EPHA3: variants seen among roughly 807,000 people sequenced by gnomAD.
The protein encoded by EPHA3 is EPH receptor A3, also known as ephrin type-A receptor 3.
Under a neutral mutation model 107.1 loss-of-function variants are expected in EPHA3, and 42 were observed. That is an observed-to-expected ratio of 0.39 (90% CI 0.31 to 0.51). EPHA3 has a LOEUF of 0.51. Among genes scored for constraint, EPHA3 ranks in the 20% least tolerant of loss-of-function variants. EPHA3 has a pLI of 0.78. For missense variants in EPHA3, 1,183 were observed against 1,211.2 expected (o/e 0.98, Z 0.35); for synonymous variants, 461 against 424.8 (o/e 1.09, Z -1.05).
chr3:89,394,153 G>A (rs1708802579), intron 5 of EPHA3, among the ~76,000 whole-genome samples: 1 of 152,194 alleles, frequency 6.6e-6, no homozygotes, highest in African/African-American at 2.4e-5. Flanking sequence ...GTTCATGCCT[G>A]TAATTCTAGC....
chr3:89,201,928 T>C (rs1705977530), intron 2 of EPHA3, among the ~76,000 whole-genome samples: 1 of 152,184 alleles, frequency 6.6e-6, no homozygotes, highest in Non-Finnish European at 1.5e-5. Flanking sequence ...TATATTCCAA[T>C]CGTACTGGAA....
At chr3:89,234,837 C>A (rs866402216) in intron 3 of EPHA3, among the ~76,000 whole-genome samples, 14 of 107,824 alleles carry the variant, frequency 1.3e-4, no homozygotes, top group African/African-American at 4.7e-4. Context: ...CCTTTCCTTT[C>A]TTTCCTTCCT....
chr3:89,288,820 C>A (rs1179024907), intron 3 of EPHA3, among the ~76,000 whole-genome samples: 2 of 152,056 alleles, frequency 1.3e-5, no homozygotes, highest in African/African-American at 4.8e-5. Context: ...AAAGTGTAAG[C>A]TTAAAAATAG....
chr3:89,441,270 T>G (rs1709778954), intron 13 of EPHA3, among the ~76,000 whole-genome samples: 1 of 152,210 alleles, frequency 6.6e-6, no homozygotes, highest in Non-Finnish European at 1.5e-5. Context: ...GCTGAAGGTT[T>G]GGCACTGGAG....
At position 89,431,269 on chromosome 3, in the gene EPHA3, C is replaced by T. The variant is rs1380535477; in HGVS notation, c.2256C>T (p.Ile752=). The part of the protein sequence containing the change: ...YVHRDLAARN[I]LINSNLVCKV... ...ACCGAGACCTCGCTGCTCGGAACATCTTGATCAACAGTAACTTGGTGTGTA... is the reference window on the plus strand; with the variant it reads ...ACCGAGACCTCGCTGCTCGGAACATTTTGATCAACAGTAACTTGGTGTGTA... Residue 752 remains isoleucine, a synonymous_variant, in exon 13 of 17, where the codon ATC becomes ATT. Transcript: ENST00000336596. The T allele has an allele frequency of 1.2e-6, 2 of 1,613,702 alleles. No homozygotes were observed. The highest frequency in any genetic ancestry group is 1.7e-5 in the Admixed American group (1 of 59,918).
At chr3:89,315,002 C>A (rs1269682206) in intron 3 of EPHA3, among the ~76,000 whole-genome samples, 1 of 151,714 alleles carries the variant, frequency 6.6e-6, no homozygotes, top group Admixed American at 6.6e-5. Context: ...CATGTTATGG[C>A]ACTGATTAGT....
chr3:89,130,863 C>T (rs921811654), intron 2 of EPHA3, among the ~76,000 whole-genome samples: 2 of 152,122 alleles, frequency 1.3e-5, no homozygotes, highest in Admixed American at 1.3e-4. Context: ...GACTCGATCT[C>T]CTGACCTCGT....
chr3:89,174,256 T>C (rs1480335700), intron 2 of EPHA3, among the ~76,000 whole-genome samples: 1 of 152,052 alleles, frequency 6.6e-6, no homozygotes, highest in African/African-American at 2.4e-5. Flanking sequence ...ACTTAGATAG[T>C]CTCATGTATT....
intron 2 of EPHA3, among the ~76,000 whole-genome samples, chr3:89,141,140 G>T (rs7631328): frequency 0.23 from 35,204 of 151,354 alleles, 4,231 homozygotes; most frequent in Middle Eastern, 0.33. Context: ...TACTACATAT[G>T]GTAAGAGAAG....
intron 2 of EPHA3, among the ~76,000 whole-genome samples, chr3:89,171,537 A>G (rs1705210026): frequency 6.6e-6 from 1 of 152,198 alleles, no homozygotes; most frequent in Non-Finnish European, 1.5e-5. Context: ...AACTCTTCTC[A>G]CATTTGTTTC....
At chr3:89,249,809 T>C (rs1705119229) in intron 3 of EPHA3, among the ~76,000 whole-genome samples, 1 of 152,196 alleles carries the variant, frequency 6.6e-6, no homozygotes, top group South Asian at 2.1e-4. Flanking sequence ...CTCAGGATAA[T>C]AACATCTGTT....
intron 5 of EPHA3, among the ~76,000 whole-genome samples, chr3:89,366,389 C>G (rs1708184737): frequency 6.6e-6 from 1 of 150,498 alleles, no homozygotes; most frequent in African/African-American, 2.4e-5. Flanking sequence ...TACCATTGAT[C>G]AAGATCAAAA....
At chr3:89,256,598 A>AATAG (rs1228868398) in intron 3 of EPHA3, among the ~76,000 whole-genome samples, 2 of 151,590 alleles carry the variant, frequency 1.3e-5, no homozygotes, top group Non-Finnish European at 2.9e-5. Flanking sequence ...TAAATAAATA[A>AATAG]ATAAATAAAT....
At chr3:89,178,588 A>G (rs1233753576) in intron 2 of EPHA3, among the ~76,000 whole-genome samples, 7 of 151,932 alleles carry the variant, frequency 4.6e-5, no homozygotes, top group Non-Finnish European at 8.8e-5. Context: ...AAGTTTGTGG[A>G]TTGGAGCAGA....
intron 2 of EPHA3, among the ~76,000 whole-genome samples, chr3:89,152,609 C>G (rs1356975004): frequency 6.6e-6 from 1 of 152,028 alleles, no homozygotes; most frequent in East Asian, 1.9e-4. Flanking sequence ...GTTTCAACCT[C>G]CAGAAACTTA....
intron 1 of EPHA3, among the ~76,000 whole-genome samples, chr3:89,124,831 TAA>T (rs1704058354): frequency 6.6e-6 from 1 of 151,974 alleles, no homozygotes; most frequent in Non-Finnish European, 1.5e-5. Context: ...TAGAGTGCAC[TAA>T]AAATTTAATT....
intron 3 of EPHA3, among the ~76,000 whole-genome samples, chr3:89,274,764 C>A (rs1430411957): frequency 2.0e-5 from 3 of 151,762 alleles, no homozygotes; most frequent in East Asian, 3.9e-4. Flanking sequence ...AGAATCGTAA[C>A]CAAGGAGGGA....
chr3:89,163,117 T>A (rs1472505630), intron 2 of EPHA3, among the ~76,000 whole-genome samples: 1 of 152,176 alleles, frequency 6.6e-6, no homozygotes, highest in Non-Finnish European at 1.5e-5. Flanking sequence ...TTTAGGATCA[T>A]TCACACCTAA....
intron 15 of EPHA3, among the ~76,000 whole-genome samples, chr3:89,453,321 A>G (rs1710031918): frequency 2.0e-5 from 3 of 152,202 alleles, no homozygotes; most frequent in Admixed American, 1.3e-4. Flanking sequence ...CACAGAGAAA[A>G]GTAGTCTTAC....
Sources: allele counts gnomAD v4.1 joint callset (sites outside exome capture counted in the v4.1 genomes callset), GRCh38; gene constraint gnomAD v4.1.1; transcripts MANE v1.5; gene names NCBI Gene and HGNC (gene_info 2026-07-23, HGNC 2026-07-21).